PSMA8: variants seen among roughly 807,000 people sequenced by gnomAD.
PSMA8 encodes proteasome subunit alpha-type 8.
In PSMA8, 18 loss-of-function variants were observed where a neutral mutation model predicts 32.4. The observed-to-expected ratio is 0.56, with a 90% CI of 0.38 to 0.82. PSMA8 has a LOEUF of 0.82. Among genes scored for constraint, PSMA8 ranks in the 40% least tolerant of loss-of-function variants. PSMA8 has a pLI of 0.00. For missense variants in PSMA8, 298 were observed against 300.7 expected (o/e 0.99, Z 0.07); for synonymous variants, 104 against 98.1 (o/e 1.06, Z -0.36).
rs188758013 is a variant in PSMA8, at chr18:26,184,436, T to G, written c.660+5306T>G. Among the ~76,000 whole-genome samples the G allele has an allele frequency of 1.3e-3, 193 of 150,804 alleles. 6 individuals are homozygous for G. Among genetic ancestry groups the G allele is most frequent in the African/African-American group, 4.3e-3 (174 of 40,856 alleles). On this transcript the variant is annotated intron_variant, in intron 6 of 6. Coordinates refer to ENST00000415576, the MANE Select transcript of PSMA8 (RefSeq NM_001025096.2). ...CAGTAGTAATACTAAGCACTCTTTC[T>G]CCTTCCTCTATTCCTTCTCACCTGG...
chr18:26,173,427 C>G (rs2055239874), intron 4 of PSMA8, among the ~76,000 whole-genome samples: 1 of 152,186 alleles, frequency 6.6e-6, no homozygotes, highest in African/African-American at 2.4e-5. Flanking sequence ...CTCTTTATTT[C>G]CTATCCTGGC....
At chr18:26,141,713 C>CTTTTT (rs1011733993) in intron 1 of PSMA8, among the ~76,000 whole-genome samples, 20 of 109,990 alleles carry the variant, frequency 1.8e-4, no homozygotes, top group South Asian at 3.0e-4. Flanking sequence ...TTTCTTTTTT[C>CTTTTT]TTTTTTTTTT....
chr18:26,144,834 T>G, intron 2 of PSMA8, 149 bp downstream of exon 2: 1 of 614,912 alleles, frequency 1.6e-6, no homozygotes, highest in Non-Finnish European at 2.5e-6. Context: ...AAATACTAAC[T>G]TTGTAAACCA....
At chr18:26,179,836 G>A (rs988066688) in intron 6 of PSMA8, among the ~76,000 whole-genome samples, 1 of 151,452 alleles carries the variant, frequency 6.6e-6, no homozygotes, top group Non-Finnish European at 1.5e-5. Flanking sequence ...TGTAATCCCA[G>A]CTACTCGAGA....
intron 4 of PSMA8, among the ~76,000 whole-genome samples, chr18:26,172,391 T>C (rs1020652434): frequency 1.3e-5 from 2 of 152,212 alleles, no homozygotes; most frequent in South Asian, 2.1e-4. Flanking sequence ...AGACTGGAAA[T>C]AGATTTACAT....
chr18:26,134,126 C>A, intron 1 of PSMA8, 59 bp downstream of exon 1: 1 of 1,249,306 alleles, frequency 8.0e-7, no homozygotes, highest in Non-Finnish European at 1.2e-6. Context: ...CCATCGTTAC[C>A]CTGCTGCCCC....
chr18:26,191,314 A>C (rs2055400499), intron 6 of PSMA8, among the ~76,000 whole-genome samples: 1 of 152,168 alleles, frequency 6.6e-6, no homozygotes, highest in Non-Finnish European at 1.5e-5. Context: ...ATATAAATGT[A>C]TTAACTTCAC....
chr18:26,158,317 G>A (rs1160758290), intron 4 of PSMA8, 73 bp downstream of exon 4: 1 of 1,229,388 alleles, frequency 8.1e-7, no homozygotes. Flanking sequence ...ATTGCTTTGA[G>A]AGACATGAAA....
At chr18:26,146,876 C>T (rs1040682008) in intron 2 of PSMA8, among the ~76,000 whole-genome samples, 2 of 152,112 alleles carry the variant, frequency 1.3e-5, no homozygotes, top group Non-Finnish European at 2.9e-5. Flanking sequence ...GTTCACAGTT[C>T]CGTAGGCTGT....
At chr18:26,176,956 A>C (rs377256880) in intron 4 of PSMA8, among the ~76,000 whole-genome samples, 14 of 152,132 alleles carry the variant, frequency 9.2e-5, no homozygotes, top group African/African-American at 2.4e-4. Context: ...AATAATAATA[A>C]TACTAAACAG....
intron 3 of PSMA8, 117 bp downstream of exon 3, chr18:26,152,099 C>T (rs1371578123): frequency 1.6e-6 from 1 of 644,052 alleles, no homozygotes; most frequent in East Asian, 3.4e-5. Flanking sequence ...TATTAAATTT[C>T]TTATTTCTCA....
chr18:26,190,572 A>G (rs1598677914), intron 6 of PSMA8, among the ~76,000 whole-genome samples: 1 of 152,158 alleles, frequency 6.6e-6, no homozygotes, highest in Non-Finnish European at 1.5e-5. Context: ...AACATGGCGA[A>G]ACCCCGTCTC....
chr18:26,174,411 A>T (rs1455090041), intron 4 of PSMA8, among the ~76,000 whole-genome samples: 1 of 152,204 alleles, frequency 6.6e-6, no homozygotes, highest in African/African-American at 2.4e-5. Flanking sequence ...ATTAGCACTC[A>T]AATTTTATAT....
chr18:26,188,515 A>G (rs1404242938), intron 6 of PSMA8, among the ~76,000 whole-genome samples: 1 of 152,194 alleles, frequency 6.6e-6, no homozygotes, highest in Non-Finnish European at 1.5e-5. Flanking sequence ...TAAAAACCTC[A>G]AAAGACCCAG....
intron 4 of PSMA8, among the ~76,000 whole-genome samples, chr18:26,175,451 G>A (rs1174442995): frequency 1.3e-5 from 2 of 152,170 alleles, no homozygotes; most frequent in East Asian, 3.8e-4. Flanking sequence ...CATCAGAGCT[G>A]TTCTAACTTG....
At chr18:26,154,430 G>A (rs1598650552) in intron 3 of PSMA8, among the ~76,000 whole-genome samples, 1 of 152,042 alleles carries the variant, frequency 6.6e-6, no homozygotes, top group Non-Finnish European at 1.5e-5. Context: ...ACAGAACATT[G>A]TATACACAAA....
rs2144279316 is a variant in PSMA8, at chr18:26,144,741, A to G, written c.229+56A>G. The G allele has an allele frequency of 2.0e-6, 3 of 1,500,966 alleles. No homozygotes were observed. In the East Asian group the frequency reaches 6.8e-5, roughly 34 times the overall value. The allele number at this position is 1,500,966 out of a possible 1,614,324, so 93.0% of individuals were successfully genotyped here. ...GTGTCTTACTGTAGTAGGGCAACACAGTTAACCTCAGTGCTGCAGTTGTGC... is the reference window on the plus strand; with the variant it reads ...GTGTCTTACTGTAGTAGGGCAACACGGTTAACCTCAGTGCTGCAGTTGTGC... On this transcript the variant is annotated intron_variant, in intron 2 of 6. Coordinates refer to ENST00000415576, the MANE Select transcript of PSMA8 (RefSeq NM_001025096.2).
At chr18:26,174,364 A>G (rs542875357) in intron 4 of PSMA8, among the ~76,000 whole-genome samples, 2 of 152,336 alleles carry the variant, frequency 1.3e-5, no homozygotes, top group South Asian at 2.1e-4. Flanking sequence ...TTCACTTACA[A>G]TATAGCTTGT....
chr18:26,181,250 A>T (rs1033565264), intron 6 of PSMA8, among the ~76,000 whole-genome samples: 1 of 152,322 alleles, frequency 6.6e-6, no homozygotes, highest in South Asian at 2.1e-4. Flanking sequence ...TCTGTGATCA[A>T]TGATCTTTGA....
Sources: allele counts gnomAD v4.1 joint callset (sites outside exome capture counted in the v4.1 genomes callset), GRCh38; gene constraint gnomAD v4.1.1; transcripts MANE v1.5; gene names NCBI Gene and HGNC (gene_info 2026-07-23, HGNC 2026-07-21).